PAX3: variants seen among roughly 807,000 people sequenced by gnomAD.
PAX3 encodes paired box protein Pax-3.
PAX3 carries 14 observed loss-of-function variants against 51.6 expected under a neutral mutation model. That is an observed-to-expected ratio of 0.27 (90% confidence interval 0.18 to 0.42). PAX3 has a LOEUF of 0.42. Ranked by LOEUF, PAX3 falls within the 10% of genes least tolerant of loss-of-function variation. PAX3 has a pLI of 1.00. For missense variants in PAX3, 540 were observed against 642.8 expected, an observed-to-expected ratio of 0.84 and a Z score of 1.73; for synonymous variants, 280 against 253.4, an observed-to-expected ratio of 1.11 and a Z score of -1.00.
chr2:222,240,140 G>A (rs1171114899), intron 4 of PAX3, among the ~76,000 whole-genome samples: 1 of 152,160 alleles, frequency 6.6e-6, no homozygotes, highest in Non-Finnish European at 1.5e-5. Flanking sequence ...GCTGCCCTGG[G>A]AGGAGAGTAC....
intron 4 of PAX3, among the ~76,000 whole-genome samples, chr2:222,266,840 T>A (rs140760448): frequency 3.3e-5 from 5 of 152,194 alleles, no homozygotes; most frequent in African/African-American, 1.2e-4. Context: ...ATTCCTTATG[T>A]ACTTCTAGGA....
chr2:222,228,456 T>A (rs1381701585), intron 5 of PAX3, among the ~76,000 whole-genome samples: 5 of 152,188 alleles, frequency 3.3e-5, no homozygotes, highest in African/African-American at 1.2e-4. Flanking sequence ...GAATGCTGGG[T>A]GCTGTACAAG....
At chr2:222,213,915 C>T (rs1001379058) in intron 7 of PAX3, among the ~76,000 whole-genome samples, 9 of 152,154 alleles carry the variant, frequency 5.9e-5, no homozygotes, top group African/African-American at 1.4e-4. Context: ...CTGGCTGTAC[C>T]GCCAGGGTGA....
At chr2:222,261,158 A>G (rs1279953706) in intron 4 of PAX3, among the ~76,000 whole-genome samples, 4 of 152,210 alleles carry the variant, frequency 2.6e-5, no homozygotes, top group African/African-American at 9.6e-5. Context: ...CCAAAATTAT[A>G]TCAGCAAACA....
chr2:222,265,952 G>A (rs1694043163), intron 4 of PAX3, among the ~76,000 whole-genome samples: 1 of 152,224 alleles, frequency 6.6e-6, no homozygotes, highest in Admixed American at 6.5e-5. Flanking sequence ...ACCTGTAGAA[G>A]GGTTTGAAGG....
At chr2:222,245,724 C>A (rs1253124776) in intron 4 of PAX3, among the ~76,000 whole-genome samples, 1 of 151,328 alleles carries the variant, frequency 6.6e-6, no homozygotes, top group East Asian at 2.0e-4. Flanking sequence ...AAACCCAGCA[C>A]TTTGGGAGGC....
chr2:222,295,559 G>A lies in PAX3; in HGVS notation c.420C>T (p.Asp140=). Residue 140 remains aspartate, a synonymous_variant, in exon 3 of 9, where the codon GAC becomes GAT. Coordinates refer to ENST00000392070, the MANE Select transcript of PAX3 (RefSeq NM_181458.4). ...SWEIRDKLLK[D]AVCDRNTVPS... Reference sequence around the variant, plus strand: ...GCACGGTGTTTCGATCACAGACCGCGTCCTTGAGTAATTTGTCTCGGATTT... The same window carrying A: ...GCACGGTGTTTCGATCACAGACCGCATCCTTGAGTAATTTGTCTCGGATTT... 3.1e-6 allele frequency: 5 copies of A among 1,614,218 alleles called. No individual in the cohort carries two copies. The highest frequency in any genetic ancestry group is 4.2e-6 in the Non-Finnish European group (5 of 1,180,032).
In PAX3 at chr2:222,286,441, C is replaced by A. The variant is rs45561440; in HGVS notation, c.586+7726G>T. 1.3e-3 allele frequency among the ~76,000 whole-genome samples: 197 copies of A among 152,332 alleles called. 2 individuals are homozygous for A. In the Middle Eastern group the frequency reaches 0.017, roughly 13 times the overall value. ...CACAGCCAGTTTAATAGTTGCCTAT[C>A]TTGAGTTCTAATCTGTTTTGCTAGG... On this transcript the variant is annotated intron_variant, in intron 4 of 8. Transcript: ENST00000392070.
intron 5 of PAX3, among the ~76,000 whole-genome samples, chr2:222,223,156 G>A (rs1250060940): frequency 6.6e-6 from 1 of 151,654 alleles, no homozygotes; most frequent in Non-Finnish European, 1.5e-5. Context: ...CCTTTGCCGA[G>A]GGATTTGCTC....
chr2:222,229,235 C>G (rs1692495085), intron 5 of PAX3, among the ~76,000 whole-genome samples: 1 of 149,806 alleles, frequency 6.7e-6, no homozygotes, highest in Non-Finnish European at 1.5e-5. Context: ...ATGTTAATAT[C>G]ATAACATTGA....
intron 5 of PAX3, among the ~76,000 whole-genome samples, chr2:222,228,368 T>C (rs1281365851): frequency 2.0e-5 from 3 of 152,184 alleles, no homozygotes; most frequent in Non-Finnish European, 4.4e-5. Flanking sequence ...TGAACTACTG[T>C]TTATTGGTTT....
intron 4 of PAX3, among the ~76,000 whole-genome samples, chr2:222,291,124 C>T (rs1303766664): frequency 6.6e-6 from 1 of 152,172 alleles, no homozygotes; most frequent in East Asian, 1.9e-4. Flanking sequence ...TGTGGCGGCG[C>T]CCGCGGGCCC....
intron 4 of PAX3, among the ~76,000 whole-genome samples, chr2:222,261,837 A>G (rs1354865522): frequency 6.6e-6 from 1 of 152,238 alleles, no homozygotes; most frequent in East Asian, 1.9e-4. Context: ...AATGTACGTT[A>G]AATGTTTCAT....
At chr2:222,230,868 A>AAG (rs1432310785) in intron 5 of PAX3, among the ~76,000 whole-genome samples, 1 of 151,604 alleles carries the variant, frequency 6.6e-6, no homozygotes, top group Non-Finnish European at 1.5e-5. Context: ...AAAAAAAAAA[A>AAG]AAAAAAATCT....
intron 7 of PAX3, among the ~76,000 whole-genome samples, chr2:222,218,147 T>C (rs546095536): frequency 4.6e-5 from 7 of 152,158 alleles, no homozygotes; most frequent in Non-Finnish European, 1.0e-4. Context: ...TACCATAATA[T>C]GTAAGATATA....
intron 4 of PAX3, among the ~76,000 whole-genome samples, chr2:222,284,258 A>G (rs1694747606): frequency 6.6e-6 from 1 of 152,226 alleles, no homozygotes; most frequent in Non-Finnish European, 1.5e-5. Context: ...CAATTCCCCA[A>G]AATGAAAGAC....
intron 4 of PAX3, among the ~76,000 whole-genome samples, chr2:222,245,570 T>C (rs975337120): frequency 1.3e-5 from 2 of 152,052 alleles, no homozygotes; most frequent in Non-Finnish European, 2.9e-5. Flanking sequence ...TCAGGGACAA[T>C]CTTGCAGAAC....
chr2:222,294,055 T>C, intron 4 of PAX3, 112 bp downstream of exon 4: 2 of 1,576,722 alleles, frequency 1.3e-6, no homozygotes, highest in Middle Eastern at 1.7e-4. Context: ...ACACCGCGCA[T>C]GAAGGGACCT....
intron 4 of PAX3, among the ~76,000 whole-genome samples, chr2:222,253,441 C>A (rs909349680): frequency 2.0e-5 from 3 of 152,164 alleles, no homozygotes; most frequent in African/African-American, 7.2e-5. Context: ...GCATCCAAAA[C>A]TTCATGCAAA....
Sources: allele counts gnomAD v4.1 joint callset (sites outside exome capture counted in the v4.1 genomes callset), GRCh38; gene constraint gnomAD v4.1.1; transcripts MANE v1.5; gene names NCBI Gene and HGNC (gene_info 2026-07-23, HGNC 2026-07-21).